The following NCAM2 variants were observed in gnomAD, a reference collection of about 807,000 sequenced individuals.
The protein encoded by NCAM2 is N-CAM-2.
Under a neutral mutation model 98.1 loss-of-function variants are expected in NCAM2, and 30 were observed. The observed-to-expected ratio is 0.31, with a 90% confidence interval of 0.23 to 0.41. NCAM2 has a LOEUF of 0.41. NCAM2 is among the 10% of genes least tolerant of loss of function. The pLI is 1.00. For missense variants in NCAM2, 867 were observed against 1,005.8 expected (o/e 0.86, Z 1.87); for synonymous variants, 368 against 342.4 (o/e 1.07, Z -0.83).
intron 16 of NCAM2, among the ~76,000 whole-genome samples, chr21:21,521,520 G>A (rs1419814073): frequency 1.3e-5 from 2 of 152,082 alleles, no homozygotes; most frequent in Admixed American, 6.6e-5. Context: ...AACATGCTAA[G>A]AACTCTAACA....
chr21:21,185,575 G>A (rs2212623), intron 1 of NCAM2, among the ~76,000 whole-genome samples: 1,713 of 152,154 alleles, frequency 0.011, 36 homozygotes, highest in African/African-American at 0.039. Context: ...TCAGCCATAC[G>A]ATCACTTTGA....
intron 1 of NCAM2, among the ~76,000 whole-genome samples, chr21:21,212,557 G>A (rs146232909): frequency 3.4e-4 from 51 of 152,176 alleles, no homozygotes; most frequent in Middle Eastern, 3.4e-3. Context: ...CCATACACAC[G>A]TACAAATGAA....
At chr21:21,519,883 A>C (rs543914239) in intron 16 of NCAM2, among the ~76,000 whole-genome samples, 1 of 152,230 alleles carries the variant, frequency 6.6e-6, no homozygotes, top group East Asian at 1.9e-4. Context: ...ACTTATGACT[A>C]TGATGATTTA....
At chr21:21,412,240 C>T (rs1025000607) in intron 10 of NCAM2, among the ~76,000 whole-genome samples, 2 of 152,164 alleles carry the variant, frequency 1.3e-5, no homozygotes, top group African/African-American at 4.8e-5. Flanking sequence ...TTCCTCTGTG[C>T]GCACACAGAG....
chr21:21,181,380 C>T (rs545738473), intron 1 of NCAM2, among the ~76,000 whole-genome samples: 4 of 152,178 alleles, frequency 2.6e-5, no homozygotes, highest in East Asian at 3.9e-4. Context: ...AACTGAAAAC[C>T]TATTTGGTAT....
intron 1 of NCAM2, among the ~76,000 whole-genome samples, chr21:21,215,488 G>T (rs2069856965): frequency 6.6e-6 from 1 of 152,144 alleles, no homozygotes; most frequent in Non-Finnish European, 1.5e-5. Context: ...GGAGGCCGAG[G>T]TGGGCAAATC....
intron 1 of NCAM2, among the ~76,000 whole-genome samples, chr21:21,057,696 A>G (rs2065240137): frequency 6.6e-6 from 1 of 152,100 alleles, no homozygotes; most frequent in Non-Finnish European, 1.5e-5. Context: ...AAGCATTTTT[A>G]AAGTTGTCAT....
At chr21:21,411,112 GTATATATATATACACATATATA>G (rs1167786324) in intron 10 of NCAM2, among the ~76,000 whole-genome samples, 1 of 28,206 alleles carries the variant, frequency 3.5e-5, no homozygotes, top group African/African-American at 8.4e-5. Context: ...ACATATATAT[GTATATATATATACACATATATA>G]TGTATATATA....
At chr21:21,113,938 G>A (rs1178410405) in intron 1 of NCAM2, among the ~76,000 whole-genome samples, 2 of 151,782 alleles carry the variant, frequency 1.3e-5, no homozygotes, top group African/African-American at 4.8e-5. Context: ...GCTTTATTCG[G>A]GAGTTAAGAA....
intron 1 of NCAM2, among the ~76,000 whole-genome samples, chr21:21,102,581 T>C (rs1385577394): frequency 6.6e-6 from 1 of 152,006 alleles, no homozygotes; most frequent in Admixed American, 6.6e-5. Flanking sequence ...CAGGAACACT[T>C]TTCACTAGTT....
intron 1 of NCAM2, among the ~76,000 whole-genome samples, chr21:21,264,253 A>G (rs77879717): frequency 0.017 from 2,560 of 152,248 alleles, 71 homozygotes; most frequent in African/African-American, 0.058. Context: ...AATGCTAAAC[A>G]TCAGTAATCA....
intron 14 of NCAM2, among the ~76,000 whole-genome samples, chr21:21,471,648 G>A (rs945079802): frequency 1.3e-5 from 2 of 152,014 alleles, no homozygotes; most frequent in African/African-American, 4.8e-5. Flanking sequence ...TGAGAACAAT[G>A]TAATTTAGAC....
At chr21:21,458,953 A>G (rs1161664635) in intron 12 of NCAM2, among the ~76,000 whole-genome samples, 1 of 152,208 alleles carries the variant, frequency 6.6e-6, no homozygotes, top group Non-Finnish European at 1.5e-5. Flanking sequence ...TATACCTGAT[A>G]AGGGGTGAGT....
chr21:21,484,366 CT>C (rs1192214424), intron 15 of NCAM2, among the ~76,000 whole-genome samples: 5 of 151,898 alleles, frequency 3.3e-5, no homozygotes, highest in Non-Finnish European at 4.4e-5. Flanking sequence ...CGTTTTTTCT[CT>C]TTTGATTTCC....
In NCAM2 at chr21:21,488,655, G is replaced by T. The variant is rs938375723; in HGVS notation, c.2077+11184G>T. Among the ~76,000 whole-genome samples the T allele has an allele frequency of 6.1e-4, 93 of 151,750 alleles. 3 individuals carry two copies. Among genetic ancestry groups the T allele is most frequent in the Admixed American group, 5.6e-3 (85 of 15,238 alleles). Reference sequence around the variant, plus strand: ...GCCAGTATTATGCATGATAACATTTGAGTTTGTAGTAATTAAGAAATATCC... The same window carrying T: ...GCCAGTATTATGCATGATAACATTTTAGTTTGTAGTAATTAAGAAATATCC... On this transcript the variant is annotated intron_variant, in intron 15 of 17. Coordinates refer to ENST00000400546, the MANE Select transcript of NCAM2 (RefSeq NM_004540.5).
intron 9 of NCAM2, among the ~76,000 whole-genome samples, chr21:21,383,120 G>T (rs232424): frequency 0.38 from 57,458 of 151,854 alleles, 11,195 homozygotes; most frequent in East Asian, 0.58. Flanking sequence ...ATACTGAATT[G>T]TGTCCTGGAT....
intron 15 of NCAM2, among the ~76,000 whole-genome samples, chr21:21,497,977 G>A (rs2146326662): frequency 6.6e-6 from 1 of 152,080 alleles, no homozygotes; most frequent in Middle Eastern, 3.4e-3. Flanking sequence ...ATAATATGTG[G>A]ATGCTGTAAA....
At chr21:21,204,602 T>G (rs2069363953) in intron 1 of NCAM2, among the ~76,000 whole-genome samples, 1 of 152,148 alleles carries the variant, frequency 6.6e-6, no homozygotes, top group Non-Finnish European at 1.5e-5. Flanking sequence ...CATCTAACCT[T>G]GACATTCAGA....
At chr21:21,497,663 G>T (rs1214768270) in intron 15 of NCAM2, among the ~76,000 whole-genome samples, 1 of 152,090 alleles carries the variant, frequency 6.6e-6, no homozygotes, top group Non-Finnish European at 1.5e-5. Flanking sequence ...AATCATTAGA[G>T]AATGGAGACT....
Sources: gnomAD v4.1 joint callset for allele counts (sites outside exome capture counted in the v4.1 genomes callset) on GRCh38, gnomAD v4.1.1 for gene constraint, MANE v1.5 for transcripts, NCBI Gene and HGNC (gene_info 2026-07-23, HGNC 2026-07-21) for gene names.